Variants in CSMD1 observed in about 807,000 individuals in gnomAD.
CSMD1 encodes CUB and sushi domain-containing protein 1.
Under a neutral mutation model 417.5 loss-of-function variants are expected in CSMD1, and 213 were observed. The observed-to-expected ratio is 0.51, with a 90% CI of 0.46 to 0.57. The LOEUF is 0.57. Among genes scored for constraint, CSMD1 ranks in the 20% least tolerant of loss-of-function variants. CSMD1 has a pLI of 0.00. For missense variants in CSMD1, 6,923 were observed against 4,529.7 expected, an observed-to-expected ratio of 1.53 and a Z score of -15.17; for synonymous variants, 2,862 against 1,736.8, an observed-to-expected ratio of 1.65 and a Z score of -16.11.
intron 36 of CSMD1, among the ~76,000 whole-genome samples, chr8:3,185,088 G>A (rs930552898): frequency 1.3e-5 from 2 of 152,150 alleles, no homozygotes; most frequent in African/African-American, 4.8e-5. Context: ...AAGGGACCAT[G>A]GACCCCCTAA....
chr8:4,877,744 C>G (rs559138469), intron 1 of CSMD1, among the ~76,000 whole-genome samples: 1 of 152,210 alleles, frequency 6.6e-6, no homozygotes, highest in African/African-American at 2.4e-5. Context: ...TGTGTTTGCA[C>G]TTTCAAAGGA....
At chr8:4,772,904 G>A (rs866014466) in intron 1 of CSMD1, among the ~76,000 whole-genome samples, 2 of 152,136 alleles carry the variant, frequency 1.3e-5, no homozygotes, top group Non-Finnish European at 2.9e-5. Context: ...AATAACGTAA[G>A]AAATTGGGTT....
chr8:4,613,642 C>A (rs925662469), intron 2 of CSMD1, among the ~76,000 whole-genome samples: 17 of 152,248 alleles, frequency 1.1e-4, no homozygotes, highest in Non-Finnish European at 2.2e-4. Flanking sequence ...GTTTGCCTGA[C>A]AACCCTTAAT....
chr8:3,410,837 C>T (rs76742979), intron 12 of CSMD1, among the ~76,000 whole-genome samples: 1 of 152,008 alleles, frequency 6.6e-6, no homozygotes, highest in African/African-American at 2.4e-5. Flanking sequence ...CTCTGGGGCT[C>T]GAGTGATCCT....
chr8:3,683,338 A>G (rs1799765922), intron 7 of CSMD1, among the ~76,000 whole-genome samples: 1 of 152,116 alleles, frequency 6.6e-6, no homozygotes, highest in East Asian at 1.9e-4. Flanking sequence ...GTGTTCTCTT[A>G]TTTATTCTTT....
intron 1 of CSMD1, among the ~76,000 whole-genome samples, chr8:4,824,666 T>C (rs1423766056): frequency 6.6e-6 from 1 of 152,278 alleles, no homozygotes; most frequent in African/African-American, 2.4e-5. Context: ...ATAACGAAAG[T>C]GACAATTTTT....
At chr8:4,957,200 C>CTA (rs1809175988) in intron 1 of CSMD1, among the ~76,000 whole-genome samples, 1 of 152,174 alleles carries the variant, frequency 6.6e-6, no homozygotes, top group African/African-American at 2.4e-5. Context: ...AGACCTAAAG[C>CTA]TATAGCAAAC....
chr8:3,961,807 C>A (rs1288700125), intron 5 of CSMD1, among the ~76,000 whole-genome samples: 2 of 152,068 alleles, frequency 1.3e-5, no homozygotes, highest in Admixed American at 1.3e-4. Context: ...TAATATTTCC[C>A]GCTAGAAATG....
intron 54 of CSMD1, among the ~76,000 whole-genome samples, chr8:2,986,409 A>G (rs1805914498): frequency 6.6e-6 from 1 of 152,160 alleles, no homozygotes; most frequent in African/African-American, 2.4e-5. Flanking sequence ...GTGGGTGCAA[A>G]CACATATCAG....
At chr8:2,940,139 A>C (rs1801766397) in intron 69 of CSMD1, among the ~76,000 whole-genome samples, 1 of 152,220 alleles carries the variant, frequency 6.6e-6, no homozygotes, top group Non-Finnish European at 1.5e-5. Context: ...TTAGAGCCTG[A>C]GAAGCCAGTG....
chr8:3,730,501 C>T (rs573888269), intron 6 of CSMD1, among the ~76,000 whole-genome samples: 2 of 151,970 alleles, frequency 1.3e-5, no homozygotes, highest in East Asian at 3.9e-4. Context: ...TTGACTGATG[C>T]TGATTTGGCC....
At chr8:4,398,633 G>C (rs1209359355) in intron 3 of CSMD1, among the ~76,000 whole-genome samples, 2 of 152,036 alleles carry the variant, frequency 1.3e-5, no homozygotes, top group Non-Finnish European at 1.5e-5. Flanking sequence ...CTGACCTCCT[G>C]ATCTGCCCCT....
chr8:4,395,629 A>G (rs73658844), intron 3 of CSMD1, among the ~76,000 whole-genome samples: 6,436 of 152,160 alleles, frequency 0.042, 480 homozygotes, highest in African/African-American at 0.15. Flanking sequence ...CCATTATACT[A>G]ATACTTCTAT....
chr8:4,946,652 G>A (rs899369762), intron 1 of CSMD1, among the ~76,000 whole-genome samples: 22 of 152,066 alleles, frequency 1.4e-4, no homozygotes, highest in Non-Finnish European at 2.9e-4. Context: ...TCTGACTCCC[G>A]AATTAAAAAT....
intron 3 of CSMD1, among the ~76,000 whole-genome samples, chr8:4,207,786 G>A (rs1057228390): frequency 6.6e-6 from 1 of 152,066 alleles, no homozygotes; most frequent in African/African-American, 2.4e-5. Flanking sequence ...CATTAGAACT[G>A]GCAATAGCAA....
Position 3,556,524 on chromosome 8 carries a change from A to G in CSMD1, c.1344+18421T>C, listed in dbSNP as rs796934445. Reference sequence around the variant, plus strand: ...AAACTTCTTTTTCACACGCACACACACACACACACACACACACACACACAC... The same window carrying G: ...AAACTTCTTTTTCACACGCACACACGCACACACACACACACACACACACAC... On this transcript the variant is annotated intron_variant, in intron 10 of 69. Transcript: ENST00000635120. 3.2e-3 allele frequency among the ~76,000 whole-genome samples: 441 copies of G among 137,290 alleles called. 2 individuals carry two copies. The highest frequency in any genetic ancestry group is 8.3e-3 in the African/African-American group (268 of 32,358). 90.1% of individuals were successfully genotyped at this position (137,290 alleles called of 152,430 possible). A position where few individuals can be genotyped will look rare whatever the true frequency, so the allele number is the denominator to read the frequency against.
intron 10 of CSMD1, among the ~76,000 whole-genome samples, chr8:3,551,748 A>T (rs190730552): frequency 8.4e-4 from 128 of 152,252 alleles, no homozygotes; most frequent in Non-Finnish European, 1.5e-3. Context: ...TGTATACTAA[A>T]GTCCGTGACA....
intron 2 of CSMD1, among the ~76,000 whole-genome samples, chr8:4,512,493 T>C (rs558027056): frequency 3.9e-5 from 6 of 152,292 alleles, no homozygotes; most frequent in Admixed American, 2.6e-4. Flanking sequence ...AAGTTGTTTA[T>C]TCCCTGCAGG....
At chr8:3,778,669 G>A (rs1799020537) in intron 5 of CSMD1, among the ~76,000 whole-genome samples, 1 of 152,174 alleles carries the variant, frequency 6.6e-6, no homozygotes, top group African/African-American at 2.4e-5. Flanking sequence ...CTGGACCAGA[G>A]CTTCCTGCAG....
Sources: allele counts gnomAD v4.1 joint callset (sites outside exome capture counted in the v4.1 genomes callset), GRCh38; gene constraint gnomAD v4.1.1; transcripts MANE v1.5; gene names NCBI Gene and HGNC (gene_info 2026-07-23, HGNC 2026-07-21).